The following PTPRS variants were observed in gnomAD, a reference collection of about 807,000 sequenced individuals.
The protein encoded by PTPRS is protein tyrosine phosphatase receptor type S, also known as receptor-type tyrosine-protein phosphatase S.
A neutral mutation model predicts 215.3 loss-of-function variants in PTPRS; 63 were observed. That is an observed-to-expected ratio of 0.29 (90% CI 0.24 to 0.36). The LOEUF (loss-of-function observed/expected upper bound fraction) is 0.36. PTPRS is among the 10% of genes least tolerant of loss of function. The pLI is 1.00. For synonymous variants in PTPRS, 1,404 were observed against 1,191.4 expected, an observed-to-expected ratio of 1.18 and a Z score of -3.68; for missense variants, 2,258 against 2,825.8, an observed-to-expected ratio of 0.80 and a Z score of 4.56.
chr19:5,224,173 C>T (rs534650247), intron 17 of PTPRS, among the ~76,000 whole-genome samples: 7 of 47,386 alleles, frequency 1.5e-4, no homozygotes, highest in African/African-American at 4.7e-4. Flanking sequence ...AGCAAGACTC[C>T]GTCTTAAAAA....
At chr19:5,236,865 A>AG (rs57391287) in intron 13 of PTPRS, among the ~76,000 whole-genome samples, 2 of 138,134 alleles carry the variant, frequency 1.4e-5, no homozygotes, top group South Asian at 4.2e-4. Context: ...AAAAAAAAAA[A>AG]CAACAATCAA....
intron 1 of PTPRS, among the ~76,000 whole-genome samples, chr19:5,320,927 T>C (rs1410951393): frequency 1.3e-5 from 2 of 152,088 alleles, no homozygotes; most frequent in Non-Finnish European, 2.9e-5. Context: ...GGCCCTAGAA[T>C]CTGGTTTTGG....
chr19:5,243,886 G>C lies in PTPRS; in HGVS notation c.1570+15C>G, dbSNP rs779557080. 2 of 1,464,450 alleles carry C rather than the reference G, an allele frequency of 1.4e-6. No individual in the cohort carries two copies. Among genetic ancestry groups the C allele is most frequent in the East Asian group, 4.9e-5 (2 of 40,462 alleles). 90.7% of individuals were successfully genotyped at this position (1,464,450 alleles called of 1,614,324 possible). On this transcript the variant is annotated intron_variant, in intron 11 of 37. Transcript: ENST00000262963. ...CACGGCCGGGGCCCCGAGTCCTGCC[G>C]ACCCCACGCCTCACCTCCCTGCTGC...
intron 19 of PTPRS, among the ~76,000 whole-genome samples, chr19:5,221,887 G>A (rs777875672): frequency 3.9e-5 from 6 of 152,184 alleles, no homozygotes; most frequent in African/African-American, 1.2e-4. Context: ...ATCCAAGGCT[G>A]AGCCCAACAT....
intron 1 of PTPRS, among the ~76,000 whole-genome samples, chr19:5,311,681 G>A (rs887912048): frequency 1.3e-5 from 2 of 152,264 alleles, no homozygotes; most frequent in African/African-American, 2.4e-5. Context: ...CCTGGCTGGC[G>A]GCTGGGGTGG....
chr19:5,309,508 C>T (rs1011897630), intron 1 of PTPRS, among the ~76,000 whole-genome samples: 4 of 152,120 alleles, frequency 2.6e-5, no homozygotes, highest in Non-Finnish European at 5.9e-5. Context: ...CCTGAAAACC[C>T]GCTATGGGCT....
intron 1 of PTPRS, among the ~76,000 whole-genome samples, chr19:5,290,908 C>G (rs1157752130): frequency 1.3e-5 from 2 of 151,960 alleles, no homozygotes; most frequent in Admixed American, 6.5e-5. Context: ...CTCCCACATC[C>G]ACTCAAGCAG....
Position 5,220,135 on chromosome 19 carries a change from C to G in PTPRS, c.3569G>C (p.Arg1190Pro), listed in dbSNP as rs771853690. The part of the protein sequence containing the change: ...DLEELIQDIS[R>P]LQRRSLRHSR... ...GTGCCGCAGGCTGCGCCTCTGTAGCCGTGAGATGTCCTGGATGAGCTGCGG... is the reference window on the plus strand; with the variant it reads ...GTGCCGCAGGCTGCGCCTCTGTAGCGGTGAGATGTCCTGGATGAGCTGCGG... Residue 1190 changes from arginine (R) to proline (P), a missense_variant, in exon 22 of 38, where the codon CGG becomes CCG. By Grantham distance (103) the Arg-to-Pro change is moderately radical. This residue lies in a region of PTPRS where 927 missense variants were observed against 1,125.9 expected (regional missense o/e 0.82). Transcript: ENST00000262963. 1 of 1,612,178 alleles carries G rather than the reference C, an allele frequency of 6.2e-7. No individual in the cohort carries two copies. The highest frequency in any genetic ancestry group is 1.3e-5 in the African/African-American group (1 of 75,042).
chr19:5,215,872 T>C (rs1313999153), intron 26 of PTPRS, among the ~76,000 whole-genome samples: 1 of 152,078 alleles, frequency 6.6e-6, no homozygotes, highest in East Asian at 1.9e-4. Flanking sequence ...CATTGGCCCA[T>C]CCTGTTTCCT....
chr19:5,222,622 G>A (rs1234747142), intron 18 of PTPRS, 67 bp downstream of exon 18: 92 of 1,423,976 alleles, frequency 6.5e-5, no homozygotes, highest in Non-Finnish European at 8.5e-5. Flanking sequence ...GGGAGAGGGA[G>A]GGGGCTGGGG....
intron 7 of PTPRS, among the ~76,000 whole-genome samples, chr19:5,258,423 A>G (rs1426932595): frequency 3.9e-5 from 6 of 152,240 alleles, no homozygotes; most frequent in Non-Finnish European, 8.8e-5. Flanking sequence ...GTTGAATTAC[A>G]AAGATGGAGA....
intron 13 of PTPRS, among the ~76,000 whole-genome samples, chr19:5,238,291 G>A (rs561398109): frequency 2.8e-4 from 42 of 152,228 alleles, no homozygotes; most frequent in Non-Finnish European, 5.0e-4. Context: ...AGGCCGGGCC[G>A]GCACAGCAGA....
chr19:5,252,182 T>C (rs372542545), intron 9 of PTPRS, among the ~76,000 whole-genome samples: 26 of 152,306 alleles, frequency 1.7e-4, no homozygotes, highest in East Asian at 1.4e-3. Flanking sequence ...CAGCAGGTAC[T>C]GGTTTCTTAG....
In PTPRS at chr19:5,210,824, T is replaced by A; in HGVS notation, c.5235-19A>T. The A allele has an allele frequency of 6.2e-7, 1 of 1,611,646 alleles. No individual in the cohort carries two copies. The highest frequency in any genetic ancestry group is 8.5e-7 in the Non-Finnish European group (1 of 1,179,546). ...CTGCTGCCTGCAGGCGTTGGGGGTATGAGCCCAGGGCCGGCAGGGAGACCC... is the reference window on the plus strand; with the variant it reads ...CTGCTGCCTGCAGGCGTTGGGGGTAAGAGCCCAGGGCCGGCAGGGAGACCC... On this transcript the variant is annotated intron_variant, in intron 33 of 37. Coordinates refer to ENST00000262963, the MANE Select transcript of PTPRS (RefSeq NM_002850.4). The surrounding 1 kb of genome is among the most constrained non-coding windows in gnomAD (Gnocchi z 4.5).
At chr19:5,261,439 T>C (rs908033169) in intron 6 of PTPRS, among the ~76,000 whole-genome samples, 4 of 152,144 alleles carry the variant, frequency 2.6e-5, no homozygotes, top group Admixed American at 2.0e-4. Flanking sequence ...AAGACCTGTT[T>C]ATCTGGGCCT....
intron 10 of PTPRS, among the ~76,000 whole-genome samples, 195 bp downstream of exon 10, chr19:5,245,581 C>T (rs1485907577): frequency 2.0e-5 from 3 of 152,244 alleles, no homozygotes; most frequent in African/African-American, 7.2e-5. Context: ...GCGTGAATCA[C>T]TGCGCCCAGC....
At chr19:5,299,827 G>A (rs376560140) in intron 1 of PTPRS, among the ~76,000 whole-genome samples, 18 of 152,192 alleles carry the variant, frequency 1.2e-4, no homozygotes, top group East Asian at 3.9e-4. Context: ...CTGAGATCGC[G>A]CCATTGCACT....
intron 17 of PTPRS, among the ~76,000 whole-genome samples, chr19:5,224,815 C>T (rs1307753265): frequency 2.0e-5 from 3 of 152,128 alleles, no homozygotes; most frequent in Admixed American, 1.3e-4. Context: ...AGACAAGGTG[C>T]GTGAAGGGAA....
intron 11 of PTPRS, among the ~76,000 whole-genome samples, chr19:5,241,078 C>T (rs1334990556): frequency 2.0e-5 from 3 of 150,770 alleles, no homozygotes; most frequent in Non-Finnish European, 4.4e-5. Context: ...TTAGTAGAGA[C>T]GGGATTTCAC....
Sources: allele counts gnomAD v4.1 joint callset (sites outside exome capture counted in the v4.1 genomes callset), GRCh38; gene constraint gnomAD v4.1.1; regional missense constraint gnomAD v4.1.1; non-coding constraint Gnocchi (gnomAD v3.1); transcripts MANE v1.5; gene names NCBI Gene and HGNC (gene_info 2026-07-23, HGNC 2026-07-21).